Variants in TCF4 observed in about 807,000 individuals in gnomAD.
The protein encoded by TCF4 is SL3-3 enhancer factor 2.
TCF4 carries 3 observed loss-of-function variants against 82.1 expected under a neutral mutation model. The ratio of observed to expected loss-of-function variants is 0.04; its 90% CI spans 0.02 to 0.09. The LOEUF (loss-of-function observed/expected upper bound fraction) is 0.09. TCF4 is among the 10% of genes least tolerant of loss of function. TCF4 has a pLI of 1.00. For synonymous variants in TCF4, 276 were observed against 309.6 expected (o/e 0.89, Z 1.14); for missense variants, 518 against 852.7 (o/e 0.61, Z 4.89).
At chr18:55,557,823 C>T (rs2097317521) in intron 3 of TCF4, among the ~76,000 whole-genome samples, 1 of 151,990 alleles carries the variant, frequency 6.6e-6, no homozygotes. Context: ...CTATTTTCCC[C>T]CTTTTTACAT....
At chr18:55,549,518 T>C (rs1429902752) in intron 3 of TCF4, among the ~76,000 whole-genome samples, 1 of 152,174 alleles carries the variant, frequency 6.6e-6, no homozygotes, top group Non-Finnish European at 1.5e-5. Flanking sequence ...TTAAACTTCT[T>C]GTCACAAACA....
chr18:55,539,662 GC>G (rs1555737983), intron 3 of TCF4, among the ~76,000 whole-genome samples: 1 of 152,024 alleles, frequency 6.6e-6, no homozygotes, highest in Non-Finnish European at 1.5e-5. Flanking sequence ...GAGGATTAGT[GC>G]CCCCAAGATC....
chr18:55,558,908 G>A (rs1568396118), intron 3 of TCF4, among the ~76,000 whole-genome samples: 1 of 151,976 alleles, frequency 6.6e-6, no homozygotes. Flanking sequence ...TTAATGGCAG[G>A]CAGGAAGAGA....
intron 4 of TCF4, among the ~76,000 whole-genome samples, chr18:55,463,652 A>G (rs1294915716): frequency 6.6e-6 from 1 of 152,140 alleles, no homozygotes; most frequent in Non-Finnish European, 1.5e-5. Context: ...TATCTTTGGG[A>G]TTATTCAGTA....
chr18:55,404,888 T>C (rs188645274), intron 5 of TCF4, among the ~76,000 whole-genome samples: 145 of 152,242 alleles, frequency 9.5e-4, no homozygotes, highest in Non-Finnish European at 1.7e-3. Flanking sequence ...TTAACTTTTC[T>C]ACTGATTTTA....
At chr18:55,580,750 G>GTGTGTC (rs1198254863) in intron 3 of TCF4, among the ~76,000 whole-genome samples, 1 of 140,742 alleles carries the variant, frequency 7.1e-6, no homozygotes, top group African/African-American at 2.6e-5. Flanking sequence ...TGATGTGTGT[G>GTGTGTC]TGTGTGTGTG....
intron 5 of TCF4, among the ~76,000 whole-genome samples, chr18:55,430,060 AT>A (rs1249780587): frequency 2.0e-5 from 3 of 152,142 alleles, no homozygotes; most frequent in Non-Finnish European, 4.4e-5. Flanking sequence ...TACGTGGTAT[AT>A]TTTTAAATAT....
intron 3 of TCF4, among the ~76,000 whole-genome samples, chr18:55,510,109 CT>C (rs913245495): frequency 7.7e-6 from 1 of 129,788 alleles, no homozygotes; most frequent in Non-Finnish European, 1.5e-5. Flanking sequence ...AAGTCTCCCC[CT>C]GATGTTCTAT....
chr18:55,445,238 T>C lies in TCF4; in HGVS notation c.304+15781A>G, dbSNP rs79931289. ...AAACACAAGAGACCCTTCATTTCTC[T>C]GGGGCCAGGATTGTATTCCAGCTTC... On this transcript the variant is annotated intron_variant, in intron 5 of 19. Transcript: ENST00000354452. Among the ~76,000 whole-genome samples, 173 of 152,320 alleles carry C rather than the reference T, an allele frequency of 1.1e-3. 1 individual carries two copies. The highest frequency in any genetic ancestry group is 4.0e-3 in the African/African-American group (165 of 41,572).
At chr18:55,360,650 A>C (rs1250804298) in intron 6 of TCF4, among the ~76,000 whole-genome samples, 1 of 151,708 alleles carries the variant, frequency 6.6e-6, no homozygotes, top group Admixed American at 6.6e-5. Context: ...CAGGTCAGAC[A>C]GTGTTCCAGT....
chr18:55,568,858 A>G (rs1490935196), intron 3 of TCF4, among the ~76,000 whole-genome samples: 4 of 152,198 alleles, frequency 2.6e-5, no homozygotes, highest in Non-Finnish European at 4.4e-5. Context: ...TTTGAAATTG[A>G]GTCCAGGACA....
At chr18:55,505,803 CAAAA>C (rs35471663) in intron 3 of TCF4, among the ~76,000 whole-genome samples, 1 of 83,114 alleles carries the variant, frequency 1.2e-5, no homozygotes, top group Non-Finnish European at 2.4e-5. Flanking sequence ...GACTCCGTCT[CAAAA>C]AAAAAAAAAA....
At chr18:55,621,459 T>TATAAAA (rs1408493958) in intron 2 of TCF4, among the ~76,000 whole-genome samples, 26 of 68,748 alleles carry the variant, frequency 3.8e-4, no homozygotes, top group African/African-American at 1.2e-3. Flanking sequence ...ATATATATAA[T>TATAAAA]ATATAATATA....
chr18:55,397,894 T>TA (rs1424472042), intron 6 of TCF4, among the ~76,000 whole-genome samples: 1 of 152,158 alleles, frequency 6.6e-6, no homozygotes, highest in Non-Finnish European at 1.5e-5. Context: ...AAATACTGTA[T>TA]AACAAATACA....
intron 3 of TCF4, chr18:55,547,045 G>T (rs2097213459): frequency 6.6e-6 from 1 of 152,210 alleles, no homozygotes; most frequent in African/African-American, 2.4e-5. Context: ...AAAGTTCCGC[G>T]CCGATTCCAG....
At chr18:55,355,239 T>C (rs918837642) in intron 6 of TCF4, among the ~76,000 whole-genome samples, 2 of 152,208 alleles carry the variant, frequency 1.3e-5, no homozygotes, top group African/African-American at 4.8e-5. Context: ...TACCAGACTT[T>C]GTGGCATTAA....
intron 3 of TCF4, among the ~76,000 whole-genome samples, chr18:55,563,230 C>A (rs1470183789): frequency 7.0e-6 from 1 of 143,840 alleles, no homozygotes; most frequent in Non-Finnish European, 1.5e-5. Flanking sequence ...CAGAGTGAGA[C>A]CCTGTCTCAA....
intron 3 of TCF4, among the ~76,000 whole-genome samples, chr18:55,484,950 G>A (rs191626728): frequency 6.6e-6 from 1 of 152,282 alleles, no homozygotes; most frequent in East Asian, 1.9e-4. Context: ...CAGTTCCAGA[G>A]GGAAACCCCC....
At chr18:55,423,778 G>C (rs572796995) in intron 5 of TCF4, among the ~76,000 whole-genome samples, 1 of 151,940 alleles carries the variant, frequency 6.6e-6, no homozygotes, top group Admixed American at 6.6e-5. Context: ...AGCTCCCCCC[G>C]GACCTCATCT....
Sources: allele counts gnomAD v4.1 joint callset (sites outside exome capture counted in the v4.1 genomes callset), GRCh38; gene constraint gnomAD v4.1.1; transcripts MANE v1.5; gene names NCBI Gene and HGNC (gene_info 2026-07-23, HGNC 2026-07-21).